Variants in FARS2 observed in about 807,000 individuals in gnomAD.
FARS2 encodes phenylalanine--tRNA ligase, mitochondrial.
Under a neutral mutation model 46.4 loss-of-function variants are expected in FARS2, and 40 were observed. The ratio of observed to expected loss-of-function variants is 0.86; its 90% confidence interval spans 0.67 to 1.12. FARS2 has a LOEUF of 1.12. Ranked by LOEUF, FARS2 falls within the 50% of genes most tolerant of loss-of-function variation. FARS2 has a pLI of 0.00. For synonymous variants in FARS2, 234 were observed against 214.9 expected (o/e 1.09, Z -0.78); for missense variants, 513 against 567.9 (o/e 0.90, Z 0.98).
intron 6 of FARS2, among the ~76,000 whole-genome samples, chr6:5,660,672 A>G (rs1211339249): frequency 6.6e-6 from 1 of 150,718 alleles, no homozygotes; most frequent in Non-Finnish European, 1.5e-5. Flanking sequence ...AAAAAAAAGT[A>G]ACAGTGAGCA....
intron 1 of FARS2, among the ~76,000 whole-genome samples, chr6:5,328,009 T>C (rs1770519902): frequency 6.6e-6 from 1 of 152,198 alleles, no homozygotes. Context: ...TACCCCTTCA[T>C]AGGTTTTTTG....
At chr6:5,607,012 C>T (rs1040850044) in intron 5 of FARS2, among the ~76,000 whole-genome samples, 2 of 152,066 alleles carry the variant, frequency 1.3e-5, no homozygotes, top group African/African-American at 4.8e-5. Flanking sequence ...CAAGCCACCA[C>T]AAGTTTTATG....
At chr6:5,718,394 A>G (rs1359790687) in intron 6 of FARS2, among the ~76,000 whole-genome samples, 1 of 152,208 alleles carries the variant, frequency 6.6e-6, no homozygotes, top group African/African-American at 2.4e-5. Context: ...TTGTTGAGTA[A>G]ATGAATCAGG....
intron 4 of FARS2, among the ~76,000 whole-genome samples, chr6:5,508,155 C>T (rs1561672073): frequency 6.6e-6 from 1 of 152,138 alleles, no homozygotes. Flanking sequence ...AGATGAAAGG[C>T]AAAGATGTGA....
chr6:5,505,019 A>G (rs1390601284), intron 4 of FARS2, among the ~76,000 whole-genome samples: 1 of 152,192 alleles, frequency 6.6e-6, no homozygotes, highest in Admixed American at 6.5e-5. Flanking sequence ...TCTGAATAAG[A>G]GTGATTATAT....
chr6:5,435,309 A>G (rs1763456620), intron 4 of FARS2, among the ~76,000 whole-genome samples: 1 of 152,374 alleles, frequency 6.6e-6, no homozygotes, highest in South Asian at 2.1e-4. Context: ...AGGAAGGGCT[A>G]TGCCACCATG....
chr6:5,335,544 C>T (rs1771094639), intron 1 of FARS2, among the ~76,000 whole-genome samples: 1 of 151,972 alleles, frequency 6.6e-6, no homozygotes, highest in Non-Finnish European at 1.5e-5. Context: ...GTTTCAAGCT[C>T]TTTTTTTGGG....
intron 6 of FARS2, among the ~76,000 whole-genome samples, chr6:5,742,919 A>G (rs1761433614): frequency 1.3e-5 from 2 of 152,116 alleles, no homozygotes; most frequent in African/African-American, 4.8e-5. Context: ...CTCCCAGGAA[A>G]TGGGCTCCCA....
intron 6 of FARS2, among the ~76,000 whole-genome samples, chr6:5,743,706 C>T (rs748910195): frequency 1.3e-4 from 20 of 152,190 alleles, no homozygotes; most frequent in Non-Finnish European, 2.5e-4. Context: ...ACACCACTGT[C>T]TGGAGGAGTT....
intron 4 of FARS2, among the ~76,000 whole-genome samples, chr6:5,478,952 T>G (rs1766283906): frequency 6.6e-6 from 1 of 152,208 alleles, no homozygotes. Flanking sequence ...CTCCCTATCT[T>G]TTCTTGACTA....
At chr6:5,366,904 T>G (rs1369400010) in intron 1 of FARS2, among the ~76,000 whole-genome samples, 1 of 152,200 alleles carries the variant, frequency 6.6e-6, no homozygotes, top group African/African-American at 2.4e-5. Flanking sequence ...TCATATCCAC[T>G]GCAGTGACAA....
chr6:5,470,991 T>A (rs1765776487), intron 4 of FARS2, among the ~76,000 whole-genome samples: 1 of 152,242 alleles, frequency 6.6e-6, no homozygotes, highest in Non-Finnish European at 1.5e-5. Context: ...ACAGCCAGTC[T>A]ATTATCTGGT....
At chr6:5,394,210 A>G (rs1046593598) in intron 2 of FARS2, among the ~76,000 whole-genome samples, 2 of 152,222 alleles carry the variant, frequency 1.3e-5, no homozygotes, top group East Asian at 3.9e-4. Context: ...CAGTTTTAGT[A>G]TATATGCTGC....
chr6:5,495,714 T>C (rs1263203356), intron 4 of FARS2, among the ~76,000 whole-genome samples: 1 of 152,226 alleles, frequency 6.6e-6, no homozygotes, highest in African/African-American at 2.4e-5. Context: ...TGGTAGCTCA[T>C]AGAGCTTGTG....
At chr6:5,436,916 T>C (rs1365322881) in intron 4 of FARS2, among the ~76,000 whole-genome samples, 1 of 152,202 alleles carries the variant, frequency 6.6e-6, no homozygotes, top group Non-Finnish European at 1.5e-5. Flanking sequence ...TGGGATATAA[T>C]TGAAGTGTAA....
chr6:5,487,813 G>A (rs567322627), intron 4 of FARS2, among the ~76,000 whole-genome samples: 1 of 152,118 alleles, frequency 6.6e-6, no homozygotes, highest in Non-Finnish European at 1.5e-5. Context: ...TTTAGATCCT[G>A]CAGTCATCAG....
chr6:5,633,123 C>T (rs1344298207), intron 6 of FARS2, among the ~76,000 whole-genome samples: 3 of 151,896 alleles, frequency 2.0e-5, no homozygotes, highest in Non-Finnish European at 2.9e-5. Flanking sequence ...ATCATCCTAC[C>T]ATCCAGAGAG....
chr6:5,397,439 G>A (rs938186836), intron 2 of FARS2, among the ~76,000 whole-genome samples: 1 of 152,160 alleles, frequency 6.6e-6, no homozygotes, highest in East Asian at 1.9e-4. Flanking sequence ...GGTAAACTAA[G>A]GACTTTGGGT....
intron 4 of FARS2, among the ~76,000 whole-genome samples, chr6:5,444,786 G>T (rs202005727): frequency 6.6e-6 from 1 of 150,822 alleles, no homozygotes; most frequent in African/African-American, 2.5e-5. Flanking sequence ...AAAATGGGGC[G>T]GGGGGGAACT....
Sources: allele counts gnomAD v4.1 joint callset (sites outside exome capture counted in the v4.1 genomes callset), GRCh38; gene constraint gnomAD v4.1.1; transcripts MANE v1.5; gene names NCBI Gene and HGNC (gene_info 2026-07-23, HGNC 2026-07-21).